CCDC146: variants seen among roughly 807,000 people sequenced by gnomAD.
CCDC146 encodes the protein coiled-coil domain containing 146.
A neutral mutation model predicts 119.3 loss-of-function variants in CCDC146; 92 were observed. That is an observed-to-expected ratio of 0.77 (90% CI 0.65 to 0.92). CCDC146 has a LOEUF of 0.92. CCDC146 is among the 40% of genes least tolerant of loss of function. The probability of loss-of-function intolerance (pLI) is 0.00; values close to 1 mark genes in which losing one functional copy is unlikely to be tolerated. For missense variants in CCDC146, 1,000 were observed against 1,103.0 expected (o/e 0.91, Z 1.32); for synonymous variants, 372 against 371.8 (o/e 1.00, Z -0.01).
chr7:77,173,551 C>T (rs1791457652), intron 2 of CCDC146, among the ~76,000 whole-genome samples: 1 of 152,102 alleles, frequency 6.6e-6, no homozygotes, highest in South Asian at 2.1e-4. Flanking sequence ...ATTGCTTGAA[C>T]CTGGGAGGCA....
At chr7:77,237,073 A>G in intron 3 of CCDC146, 44 bp downstream of exon 3, 3 of 1,472,888 alleles carry the variant, frequency 2.0e-6, no homozygotes, top group Non-Finnish European at 2.9e-6. Flanking sequence ...TCACCTTTAA[A>G]TTTCTTACTG....
chr7:77,285,337 A>T (rs897836080), intron 15 of CCDC146, among the ~76,000 whole-genome samples: 2 of 152,242 alleles, frequency 1.3e-5, no homozygotes, highest in African/African-American at 4.8e-5. Flanking sequence ...AATAAATACA[A>T]CAAATGCTTG....
At chr7:77,183,123 C>T (rs1791614724) in intron 2 of CCDC146, among the ~76,000 whole-genome samples, 1 of 152,132 alleles carries the variant, frequency 6.6e-6, no homozygotes, top group South Asian at 2.1e-4. Flanking sequence ...CCCCAAATTC[C>T]TCATCACAAC....
At chr7:77,292,406 G>C (rs911563199) in intron 17 of CCDC146, among the ~76,000 whole-genome samples, 3 of 150,628 alleles carry the variant, frequency 2.0e-5, no homozygotes, top group African/African-American at 7.3e-5. Context: ...ACGAGGTCAG[G>C]AGATCAAGAC....
At chr7:77,259,134 A>G in intron 7 of CCDC146, 66 bp downstream of exon 7, 1 of 923,434 alleles carries the variant, frequency 1.1e-6, no homozygotes, top group Non-Finnish European at 1.7e-6. Context: ...CTAGAACAAG[A>G]GTACTAACCA....
At chr7:77,209,756 C>G (rs574179088) in intron 2 of CCDC146, among the ~76,000 whole-genome samples, 1 of 152,322 alleles carries the variant, frequency 6.6e-6, no homozygotes, top group Non-Finnish European at 1.5e-5. Flanking sequence ...CAACTCTTGC[C>G]CTCTGCACAC....
intron 4 of CCDC146, among the ~76,000 whole-genome samples, chr7:77,253,731 A>C (rs1232959449): frequency 6.6e-6 from 1 of 152,232 alleles, no homozygotes; most frequent in Non-Finnish European, 1.5e-5. Flanking sequence ...CAAAACAAGG[A>C]AAGAGTTTTG....
chr7:77,214,571 C>T (rs751923750), intron 2 of CCDC146, among the ~76,000 whole-genome samples: 3 of 152,146 alleles, frequency 2.0e-5, no homozygotes, highest in African/African-American at 4.8e-5. Context: ...TGAGGTCTTA[C>T]ATTCAAGTCT....
intron 2 of CCDC146, among the ~76,000 whole-genome samples, chr7:77,192,547 G>A (rs1791787321): frequency 6.6e-6 from 1 of 152,238 alleles, no homozygotes; most frequent in South Asian, 2.1e-4. Context: ...TGTACAACAA[G>A]GCGTTTAGTA....
At chr7:77,173,416 G>A (rs1016335663) in intron 2 of CCDC146, among the ~76,000 whole-genome samples, 5 of 152,066 alleles carry the variant, frequency 3.3e-5, no homozygotes, top group African/African-American at 7.2e-5. Context: ...ATCACCTGAG[G>A]TCAGGGGTTC....
At chr7:77,191,970 A>C (rs932139911) in intron 2 of CCDC146, among the ~76,000 whole-genome samples, 1 of 151,480 alleles carries the variant, frequency 6.6e-6, no homozygotes, top group African/African-American at 2.4e-5. Flanking sequence ...TCTGTCACCC[A>C]GGCTGGAGTG....
chr7:77,211,447 A>T (rs1226964158), intron 2 of CCDC146, among the ~76,000 whole-genome samples: 1 of 152,080 alleles, frequency 6.6e-6, no homozygotes, highest in Non-Finnish European at 1.5e-5. Flanking sequence ...TCCAATTGAC[A>T]TTAGGATTGT....
intron 4 of CCDC146, among the ~76,000 whole-genome samples, chr7:77,243,860 G>A (rs945929922): frequency 6.6e-6 from 1 of 152,028 alleles, no homozygotes; most frequent in Non-Finnish European, 1.5e-5. Flanking sequence ...GTGTGTTTAT[G>A]TCTGTTTTTG....
chr7:77,271,508 T>G (rs1793514615), intron 9 of CCDC146, among the ~76,000 whole-genome samples: 2 of 120,716 alleles, frequency 1.7e-5, no homozygotes, highest in African/African-American at 3.4e-5. Context: ...CACACACTAA[T>G]AGGAGATATA....
At chr7:77,267,901 C>T (rs964454309) in intron 9 of CCDC146, among the ~76,000 whole-genome samples, 4 of 152,048 alleles carry the variant, frequency 2.6e-5, no homozygotes, top group Non-Finnish European at 5.9e-5. Flanking sequence ...TCTTCTAAGC[C>T]TCATCAATGA....
rs1790769749 is a variant in CCDC146, at chr7:77,130,639, C to T, written c.-12+7907C>T. Among the ~76,000 whole-genome samples, 3 of 147,262 alleles carry T rather than the reference C, an allele frequency of 2.0e-5. No homozygotes were observed. In the South Asian group the frequency reaches 6.5e-4, roughly 32 times the overall value. ...TTTGAGACGGAGTTTCGCTCTGTCG[C>T]CCAGGCTGGAGTGCAGTGGCGCGAT... On this transcript the variant is annotated intron_variant, in intron 1 of 18. Coordinates refer to ENST00000285871, the MANE Select transcript of CCDC146 (RefSeq NM_020879.3).
chr7:77,230,307 T>C (rs904605747), intron 2 of CCDC146, among the ~76,000 whole-genome samples: 1 of 152,222 alleles, frequency 6.6e-6, no homozygotes, highest in Non-Finnish European at 1.5e-5. Flanking sequence ...AGTACACTCT[T>C]TGCTTTTTCA....
chr7:77,259,212 A>G, intron 7 of CCDC146, 144 bp downstream of exon 7: 1 of 532,966 alleles, frequency 1.9e-6, no homozygotes, highest in Non-Finnish European at 3.3e-6. Context: ...GGTTGTTTAT[A>G]TCAAGTTCTT....
chr7:77,244,309 A>AT (rs36042483), intron 4 of CCDC146, among the ~76,000 whole-genome samples: 1 of 152,154 alleles, frequency 6.6e-6, no homozygotes, highest in Admixed American at 6.5e-5. Flanking sequence ...AAAGAAAAAT[A>AT]TTTTTTATAA....
Sources: gnomAD v4.1 joint callset for allele counts (sites outside exome capture counted in the v4.1 genomes callset) on GRCh38, gnomAD v4.1.1 for gene constraint, MANE v1.5 for transcripts, NCBI Gene and HGNC (gene_info 2026-07-23, HGNC 2026-07-21) for gene names.